Variants in MBTD1 observed in about 807,000 individuals in gnomAD.
MBTD1 encodes MBT domain-containing protein 1.
In MBTD1, 24 loss-of-function variants were observed where a neutral mutation model predicts 87.8. That is an observed-to-expected ratio of 0.27 (90% CI 0.20 to 0.38). MBTD1 has a LOEUF of 0.38. Ranked by LOEUF, MBTD1 falls within the 10% of genes least tolerant of loss-of-function variation. The pLI, the probability that MBTD1 is intolerant of heterozygous loss-of-function variation, is 1.00. For missense variants in MBTD1, 436 were observed against 760.2 expected (o/e 0.57, Z 5.02); for synonymous variants, 237 against 248.6 (o/e 0.95, Z 0.44).
chr17:51,208,150 C>T (rs1268895233), intron 6 of MBTD1, among the ~76,000 whole-genome samples: 2 of 152,194 alleles, frequency 1.3e-5, no homozygotes, highest in East Asian at 3.8e-4. Flanking sequence ...AAACAACATT[C>T]AACCCCTACC....
rs946412130 is a variant in MBTD1, at chr17:51,192,786, T to C, written c.1686A>G (p.Ser562=). The change falls in exon 15 of 17, where the codon TCA becomes TCG. Residue 562 remains serine, a synonymous_variant. Coordinates refer to ENST00000586178, the MANE Select transcript of MBTD1 (RefSeq NM_017643.3). ...CTTTTCTGTATACCAACTTACACTG[T>C]GATGCTGGAGGCTGTAGTTGATATC... The part of the protein sequence containing the change: ...LTGYQLQPPA[S]QSSRENQSAS... 1 of 1,614,084 alleles carries C rather than the reference T, an allele frequency of 6.2e-7. No individual in the cohort carries two copies. Among genetic ancestry groups the C allele is most frequent in the Non-Finnish European group, 8.5e-7 (1 of 1,179,956 alleles).
chr17:51,228,781 C>T (rs1265092059), intron 2 of MBTD1, among the ~76,000 whole-genome samples: 1 of 151,566 alleles, frequency 6.6e-6, no homozygotes, highest in African/African-American at 2.4e-5. Flanking sequence ...CCCGTAATCC[C>T]AGCTACTCGG....
At chr17:51,187,193 C>T (rs1390976536) in intron 16 of MBTD1, among the ~76,000 whole-genome samples, 3 of 152,034 alleles carry the variant, frequency 2.0e-5, no homozygotes, top group South Asian at 4.1e-4. Flanking sequence ...GATGCCAAGG[C>T]AGAAGAATGA....
intron 3 of MBTD1, among the ~76,000 whole-genome samples, chr17:51,222,626 G>C (rs886651352): frequency 6.6e-6 from 1 of 151,852 alleles, no homozygotes; most frequent in African/African-American, 2.4e-5. Flanking sequence ...TCGAACTCCT[G>C]AGCTTAGGCA....
chr17:51,247,806 G>A (rs934448831), intron 2 of MBTD1, among the ~76,000 whole-genome samples: 2 of 152,316 alleles, frequency 1.3e-5, no homozygotes, highest in Admixed American at 1.3e-4. Flanking sequence ...TACTCATGTA[G>A]CATCGGGAGT....
intron 2 of MBTD1, among the ~76,000 whole-genome samples, chr17:51,257,390 T>C (rs577803784): frequency 9.0e-4 from 137 of 152,334 alleles, no homozygotes; most frequent in Non-Finnish European, 9.4e-4. Flanking sequence ...ACTCTTGGCT[T>C]TTAGTAATTC....
chr17:51,260,605 A>T (rs564040886), upstream of MBTD1: 5 of 1,612,452 alleles, frequency 3.1e-6, no homozygotes, highest in African/African-American at 5.3e-5. Context: ...AGCGGAGGAG[A>T]CGAATGAAAC....
At chr17:51,198,529 C>T (rs2051271554) in intron 12 of MBTD1, among the ~76,000 whole-genome samples, 2 of 152,232 alleles carry the variant, frequency 1.3e-5, no homozygotes. Context: ...GGATTCCTTT[C>T]TTCATTCTTC....
At chr17:51,244,798 A>G (rs1379967252) in intron 2 of MBTD1, among the ~76,000 whole-genome samples, 1 of 152,114 alleles carries the variant, frequency 6.6e-6, no homozygotes, top group Non-Finnish European at 1.5e-5. Flanking sequence ...TTTTATACCT[A>G]TGCTGCTCCA....
chr17:51,237,037 T>C (rs11655732), intron 2 of MBTD1, among the ~76,000 whole-genome samples: 78,130 of 151,882 alleles, frequency 0.51, 20,419 homozygotes, highest in South Asian at 0.67. Context: ...GTGGCTCACG[T>C]CTGTAATCCC....
chr17:51,202,026 G>T lies in MBTD1; in HGVS notation c.1115C>A (p.Ala372Asp). 1 of 1,603,596 alleles carries T rather than the reference G, an allele frequency of 6.2e-7. No individual in the cohort carries two copies. The highest frequency in any genetic ancestry group is 8.5e-7 in the Non-Finnish European group (1 of 1,171,732). Residue 372 changes from alanine to aspartate, a missense_variant, in exon 11 of 17, where the codon GCT becomes GAT. By Grantham distance (126) the Ala-to-Asp change is moderately radical (BLOSUM62 -2). Coordinates refer to ENST00000586178, the MANE Select transcript of MBTD1 (RefSeq NM_017643.3). ...GHFDTPPHLFAKVKEVDQSGE... is the reference protein window; with the variant it reads ...GHFDTPPHLFDKVKEVDQSGE... ...GTTCTTATAAAAACTTCTTACCTTA[G>T]CAAATAAATGTGGTGGTGTATCAAA... is the stretch of plus-strand genomic sequence containing the variant.
At chr17:51,237,866 G>A (rs897874667) in intron 2 of MBTD1, among the ~76,000 whole-genome samples, 5 of 152,110 alleles carry the variant, frequency 3.3e-5, no homozygotes, top group Admixed American at 2.6e-4. Flanking sequence ...GCCCCAAACT[G>A]GAAACAATTT....
chr17:51,234,386 T>C (rs2053708888), intron 2 of MBTD1, among the ~76,000 whole-genome samples: 1 of 142,624 alleles, frequency 7.0e-6, no homozygotes, highest in African/African-American at 2.7e-5. Context: ...GAGGAGAGAC[T>C]TTGTCCCCGT....
chr17:51,189,570 C>T (rs1398869037), intron 16 of MBTD1, among the ~76,000 whole-genome samples: 1 of 152,158 alleles, frequency 6.6e-6, no homozygotes, highest in Non-Finnish European at 1.5e-5. Flanking sequence ...AGAAACAAAT[C>T]CTACAAGAGT....
chr17:51,221,551 C>G (rs1411367482), intron 3 of MBTD1, among the ~76,000 whole-genome samples: 1 of 152,176 alleles, frequency 6.6e-6, no homozygotes, highest in Non-Finnish European at 1.5e-5. Flanking sequence ...ACTGGAGAAG[C>G]CTGTAGTGTA....
At chr17:51,218,426 G>T (rs1464592255) in intron 5 of MBTD1, among the ~76,000 whole-genome samples, 5 of 151,368 alleles carry the variant, frequency 3.3e-5, no homozygotes, top group Admixed American at 2.6e-4. Context: ...CTACTTGGGA[G>T]GCTGAGACAT....
At chr17:51,205,992 G>GC (rs1438323119) in intron 7 of MBTD1, among the ~76,000 whole-genome samples, 1 of 152,092 alleles carries the variant, frequency 6.6e-6, no homozygotes, top group Non-Finnish European at 1.5e-5. Flanking sequence ...CCTCCACAAT[G>GC]CCCTACTACA....
chr17:51,199,314 C>T (rs1322826971), intron 12 of MBTD1, among the ~76,000 whole-genome samples: 1 of 152,018 alleles, frequency 6.6e-6, no homozygotes, highest in Non-Finnish European at 1.5e-5. Flanking sequence ...TCTTGAACTC[C>T]TGACCTCATG....
chr17:51,179,484 TTATATATATATATATATATATATATA>T lies in MBTD1; in HGVS notation c.*1066_*1091del, dbSNP rs56750454. ...ATCCTGAATACAATTAAAGACAATT[TTATATATATATATATATATATATATA>T]TATATATATATATATATATATATAT... On this transcript the variant is annotated 3_prime_UTR_variant, in exon 17 of 17. Coordinates refer to ENST00000586178, the MANE Select transcript of MBTD1 (RefSeq NM_017643.3). 44 of 35,310 alleles carry T rather than the reference TTATATATATATATATATATATATATA, an allele frequency of 1.2e-3. No homozygotes were observed. Among genetic ancestry groups the T allele is most frequent in the South Asian group, 0.012 (11 of 916 alleles). 2.2% of individuals were successfully genotyped at this position (35,310 alleles called of 1,614,324 possible).
Sources: gnomAD v4.1 joint callset for allele counts (sites outside exome capture counted in the v4.1 genomes callset) on GRCh38, gnomAD v4.1.1 for gene constraint, MANE v1.5 for transcripts, NCBI Gene and HGNC (gene_info 2026-07-23, HGNC 2026-07-21) for gene names.